The following PPP2R5D variants were observed in gnomAD, a reference collection of about 807,000 sequenced individuals.
The protein encoded by PPP2R5D is serine/threonine-protein phosphatase 2A 56 kDa regulatory subunit delta isoform.
PPP2R5D carries 12 observed loss-of-function variants against 79.1 expected under a neutral mutation model. The observed-to-expected ratio is 0.15, with a 90% CI of 0.10 to 0.25. The LOEUF (loss-of-function observed/expected upper bound fraction) is 0.25. Ranked by LOEUF, PPP2R5D falls within the 10% of genes least tolerant of loss-of-function variation. The pLI, the probability that PPP2R5D is intolerant of heterozygous loss-of-function variation, is 1.00. For synonymous variants in PPP2R5D, 277 were observed against 286.6 expected (o/e 0.97, Z 0.34); for missense variants, 419 against 760.2 (o/e 0.55, Z 5.28).
Position 42,984,634 on chromosome 6 carries a change from C to T in PPP2R5D, c.-44C>T, listed in dbSNP as rs1392465323. On this transcript the variant is annotated 5_prime_UTR_variant, in exon 1 of 16. Coordinates refer to ENST00000485511, the MANE Select transcript of PPP2R5D (RefSeq NM_006245.4). ...GAGTGCGGCCGAGCAAAGCCGGAGC[C>T]GGAGCGGGGCCGCAGGAGACGGGCC... The T allele has an allele frequency of 6.4e-7, 1 of 1,573,064 alleles. No homozygotes were observed. Among genetic ancestry groups the T allele is most frequent in the Non-Finnish European group, 8.6e-7 (1 of 1,161,570 alleles).
At chr6:43,011,081 G>A (rs1762329971) in intron 15 of PPP2R5D, 68 bp from the exon 16 acceptor site, 2 of 1,611,362 alleles carry the variant, frequency 1.2e-6, no homozygotes, top group Non-Finnish European at 1.7e-6. Context: ...CAAAGAATAA[G>A]GGGACGGAAC....
chr6:43,009,110 G>T lies in PPP2R5D; in HGVS notation c.1134G>T (p.Val378=). The T allele has an allele frequency of 6.2e-7, 1 of 1,614,120 alleles. No homozygotes were observed. The highest frequency in any genetic ancestry group is 8.5e-7 in the Non-Finnish European group (1 of 1,180,016). ...FWPKTHSPKE[V]MFLNELEEIL... Reference sequence around the variant, plus strand: ...CCAAGACCCACAGCCCCAAGGAGGTGATGTTCTTGAATGAGCTGGAGGAGA... The same window carrying T: ...CCAAGACCCACAGCCCCAAGGAGGTTATGTTCTTGAATGAGCTGGAGGAGA... The change falls in exon 11 of 16, where the codon GTG becomes GTT. Residue 378 remains valine, a synonymous_variant. Coordinates refer to ENST00000485511, the MANE Select transcript of PPP2R5D (RefSeq NM_006245.4). The surrounding 1 kb of genome is among the most constrained non-coding windows in gnomAD (Gnocchi z 5.6).
At chr6:42,991,491 G>A (rs570520808) in intron 2 of PPP2R5D, among the ~76,000 whole-genome samples, 4 of 152,124 alleles carry the variant, frequency 2.6e-5, no homozygotes, top group Admixed American at 6.5e-5. Flanking sequence ...TTGGCACTCA[G>A]TACCTGGTAG....
intron 2 of PPP2R5D, among the ~76,000 whole-genome samples, chr6:43,003,165 G>A (rs930293978): frequency 2.0e-5 from 3 of 152,190 alleles, no homozygotes; most frequent in Non-Finnish European, 4.4e-5. Flanking sequence ...GCTCACACCT[G>A]TAATCCCAAC....
Position 43,008,369 on chromosome 6 carries a change from T to C in PPP2R5D, c.920T>C (p.Ile307Thr). ...IAELLEILGS[I>T]INGFALPLKE... is the part of the protein sequence containing the mutation. ...AACAAATGTCCCTTAATTCCTAGCATCATCAATGGCTTTGCCCTGCCCCTT... is the reference window on the plus strand; with the variant it reads ...AACAAATGTCCCTTAATTCCTAGCACCATCAATGGCTTTGCCCTGCCCCTT... Residue 307 changes from isoleucine to threonine, a missense_variant and splice_region_variant, in exon 9 of 16, where the codon ATC becomes ACC. Around this residue, in one of 5 missense-constraint regions of PPP2R5D, gnomAD observed 196 missense variants for 424.5 expected, o/e 0.46. Coordinates refer to ENST00000485511, the MANE Select transcript of PPP2R5D (RefSeq NM_006245.4). This position sits in a 1 kb window ranked among gnomAD's most constrained non-coding sequence, Gnocchi z 4.2. The C allele has an allele frequency of 6.2e-7, 1 of 1,613,922 alleles. No individual in the cohort carries two copies. The highest frequency in any genetic ancestry group is 8.5e-7 in the Non-Finnish European group (1 of 1,179,850).
intron 2 of PPP2R5D, among the ~76,000 whole-genome samples, chr6:43,002,620 CA>C (rs1270505566): frequency 6.6e-6 from 1 of 152,158 alleles, no homozygotes; most frequent in Non-Finnish European, 1.5e-5. Context: ...CTCAGACCTC[CA>C]GATGCCTTGC....
chr6:43,006,784 G>C lies in PPP2R5D; in HGVS notation c.322+105G>C. 6.4e-7 allele frequency: 1 copy of C among 1,573,864 alleles called. No homozygotes were observed. Among genetic ancestry groups the C allele is most frequent in the African/African-American group, 1.3e-5 (1 of 74,234 alleles). Reference sequence around the variant, plus strand: ...ATTTTGCGGGGAAGGGAGTTCCAGAGAATGCGGGAAGGGGGTGCCAGGGAG... The same window carrying C: ...ATTTTGCGGGGAAGGGAGTTCCAGACAATGCGGGAAGGGGGTGCCAGGGAG... On this transcript the variant is annotated intron_variant, in intron 3 of 15. Transcript: ENST00000485511. The surrounding 1 kb of genome is among the most constrained non-coding windows in gnomAD (Gnocchi z 4.7).
At chr6:43,000,029 A>G (rs143888567) in intron 2 of PPP2R5D, among the ~76,000 whole-genome samples, 4,221 of 151,670 alleles carry the variant, frequency 0.028, 183 homozygotes, top group African/African-American at 0.095. Flanking sequence ...TCCGCCTCCC[A>G]GGTTCAAGCG....
At chr6:43,003,891 C>T (rs929628032) in intron 2 of PPP2R5D, among the ~76,000 whole-genome samples, 11 of 148,826 alleles carry the variant, frequency 7.4e-5, no homozygotes, top group Admixed American at 6.7e-4. Context: ...CCCACCACCA[C>T]GCCCGACTAA....
intron 2 of PPP2R5D, among the ~76,000 whole-genome samples, chr6:43,000,125 G>A (rs918144337): frequency 2.7e-5 from 4 of 149,234 alleles, no homozygotes; most frequent in Admixed American, 6.7e-5. Context: ...TAGTAGAGAC[G>A]GGGTTTCACC....
At chr6:42,995,698 A>G (rs986173619) in intron 2 of PPP2R5D, among the ~76,000 whole-genome samples, 4 of 144,356 alleles carry the variant, frequency 2.8e-5, no homozygotes, top group Non-Finnish European at 6.0e-5. Flanking sequence ...GACTACAGGC[A>G]CTCACCACCA....
intron 2 of PPP2R5D, among the ~76,000 whole-genome samples, chr6:43,005,332 G>T (rs946895294): frequency 6.6e-6 from 1 of 152,022 alleles, no homozygotes; most frequent in Non-Finnish European, 1.5e-5. Context: ...GTTCAGGCTG[G>T]AGTGCAGTTG....
rs770485035 is a variant in PPP2R5D, at chr6:43,007,979, C to G, written c.771C>G (p.Phe257Leu). Residue 257 changes from phenylalanine (F) to leucine (L), a missense_variant, in exon 7 of 16, where the codon TTC (phenylalanine) becomes TTG (leucine). Phe to Leu is a conservative substitution (Grantham distance 22). Coordinates refer to ENST00000485511, the MANE Select transcript of PPP2R5D (RefSeq NM_006245.4). The surrounding 1 kb of genome is among the most constrained non-coding windows in gnomAD (Gnocchi z 4.5). ...FDSEDPRERD[F>L]LKTILHRIYG... ...GTGAGGATCCTCGAGAGCGGGACTT[C>G]CTCAAGACCATTTTGCATCGCATCT... 1 of 1,614,176 alleles carries G rather than the reference C, an allele frequency of 6.2e-7. No individual in the cohort carries two copies. The highest frequency in any genetic ancestry group is 1.7e-5 in the Admixed American group (1 of 60,022).
At position 43,007,864 on chromosome 6, in the gene PPP2R5D, C is replaced by T. The variant is rs1260582737; in HGVS notation, c.727-71C>T. 5 of 1,591,352 alleles carry T rather than the reference C, an allele frequency of 3.1e-6. No individual in the cohort carries two copies. The highest frequency in any genetic ancestry group is 3.4e-6 in the Non-Finnish European group (4 of 1,162,036). On this transcript the variant is annotated intron_variant, in intron 6 of 15. Transcript: ENST00000485511. The surrounding 1 kb of genome is among the most constrained non-coding windows in gnomAD (Gnocchi z 4.5). ...ACCTCTGCATTTCCCCTGGCGGGAC[C>T]TATGTCACCCTGGCCACTGCCTTCC...
At chr6:42,996,888 T>A (rs1412496773) in intron 2 of PPP2R5D, among the ~76,000 whole-genome samples, 3 of 152,250 alleles carry the variant, frequency 2.0e-5, no homozygotes, top group Non-Finnish European at 4.4e-5. Context: ...AGTTAATTCA[T>A]TATGCAAAAG....
chr6:43,002,727 A>T (rs78833196), intron 2 of PPP2R5D, among the ~76,000 whole-genome samples: 6 of 152,122 alleles, frequency 3.9e-5, no homozygotes, highest in Admixed American at 6.5e-5. Context: ...TTGTTTTTAT[A>T]AAAAATTCAG....
chr6:42,984,606 GC>G lies in PPP2R5D; in HGVS notation c.-70del. On this transcript the variant is annotated 5_prime_UTR_variant, in exon 1 of 16. Transcript: ENST00000485511. ...GCGGTGGCGAAGAGACGCCGAGCGG[GC>G]CGAGTGCGGCCGAGCAAAGCCGGAG... The G allele has an allele frequency of 1.3e-6, 2 of 1,532,752 alleles. No individual in the cohort carries two copies. The highest frequency in any genetic ancestry group is 2.4e-5 in the South Asian group (2 of 82,394). The allele number at this position is 1,532,752 out of a possible 1,614,324, so 94.9% of individuals were successfully genotyped here.
intron 2 of PPP2R5D, among the ~76,000 whole-genome samples, chr6:42,994,083 G>C (rs1012675134): frequency 1.3e-5 from 2 of 152,182 alleles, no homozygotes; most frequent in African/African-American, 4.8e-5. Flanking sequence ...GAGGAGGGCA[G>C]ACCACCTGAG....
chr6:42,984,813 C>T (rs535693877), intron 1 of PPP2R5D, 109 bp downstream of exon 1: 12 of 1,507,914 alleles, frequency 8.0e-6, no homozygotes, highest in African/African-American at 1.4e-5. Context: ...CCGTCCAGCC[C>T]CCGCAGGACT....
Sources: allele counts gnomAD v4.1 joint callset (sites outside exome capture counted in the v4.1 genomes callset), GRCh38; gene constraint gnomAD v4.1.1; regional missense constraint gnomAD v4.1.1; non-coding constraint Gnocchi (gnomAD v3.1); transcripts MANE v1.5; gene names NCBI Gene and HGNC (gene_info 2026-07-23, HGNC 2026-07-21).